FOXO1: variants seen among roughly 807,000 people sequenced by gnomAD.
The protein encoded by FOXO1 is forkhead box protein O1.
In FOXO1, 6 loss-of-function variants were observed where a neutral mutation model predicts 44.1. The ratio of observed to expected loss-of-function variants is 0.14; its 90% CI spans 0.07 to 0.27. FOXO1 has a LOEUF of 0.27. Among genes scored for constraint, FOXO1 ranks in the 10% least tolerant of loss-of-function variants. The pLI, the probability that FOXO1 is intolerant of heterozygous loss-of-function variation, is 1.00. For missense variants in FOXO1, 737 were observed against 888.8 expected, an observed-to-expected ratio of 0.83 and a Z score of 2.17; for synonymous variants, 380 against 362.7, an observed-to-expected ratio of 1.05 and a Z score of -0.54.
At chr13:40,599,226 A>G (rs1467688813) in intron 1 of FOXO1, among the ~76,000 whole-genome samples, 7 of 152,144 alleles carry the variant, frequency 4.6e-5, no homozygotes, top group Non-Finnish European at 1.0e-4. Context: ...TGAAAAAAAA[A>G]AAAAGCTTCC....
chr13:40,591,105 TCAGAGTTCAA>T (rs1476930336), intron 1 of FOXO1, among the ~76,000 whole-genome samples: 1 of 151,980 alleles, frequency 6.6e-6, no homozygotes, highest in Non-Finnish European at 1.5e-5. Context: ...GAGGACTGCT[TCAGAGTTCAA>T]CAGAGGTCCA....
At chr13:40,638,894 C>T (rs1409438611) in intron 1 of FOXO1, among the ~76,000 whole-genome samples, 3 of 152,050 alleles carry the variant, frequency 2.0e-5, no homozygotes, top group African/African-American at 7.2e-5. Context: ...ACCTCTGTAA[C>T]TCCAGAACAG....
rs752093459 is a variant in FOXO1 at position 40,560,813 on chromosome 13, C to A, written c.678G>T (p.Val226=). ...NLSLHSKFIR[V]QNEGTGKSSW... ...AACTTTTTCCAGTTCCTTCATTCTG[C>A]ACACGAATGAACTTGCTGTGTAGGG... is the stretch of plus-strand genomic sequence containing the variant. The change falls in exon 2 of 3, where the codon GTG becomes GTT. Residue 226 remains valine, a synonymous_variant. Coordinates refer to ENST00000379561, the MANE Select transcript of FOXO1 (RefSeq NM_002015.4). This position sits in a 1 kb window ranked among gnomAD's most constrained non-coding sequence, Gnocchi z 5.1. 1.9e-6 allele frequency: 3 copies of A among 1,613,432 alleles called. No individual in the cohort carries two copies. In the South Asian group the frequency reaches 3.3e-5, roughly 18 times the overall value.
chr13:40,647,535 G>A (rs1877550473), intron 1 of FOXO1, among the ~76,000 whole-genome samples: 1 of 152,120 alleles, frequency 6.6e-6, no homozygotes, highest in Non-Finnish European at 1.5e-5. Context: ...CTCCCAAATA[G>A]CTGGGATTAC....
At chr13:40,616,039 T>C (rs1876411542) in intron 1 of FOXO1, among the ~76,000 whole-genome samples, 2 of 152,142 alleles carry the variant, frequency 1.3e-5, no homozygotes, top group African/African-American at 4.8e-5. Context: ...CTACAGGGGC[T>C]TGAACCAGAC....
At chr13:40,664,180 G>A (rs1041185237) in intron 1 of FOXO1, among the ~76,000 whole-genome samples, 2 of 152,242 alleles carry the variant, frequency 1.3e-5, no homozygotes, top group East Asian at 1.9e-4. Flanking sequence ...GGCTGAGACA[G>A]GAGAATCGCT....
At position 40,665,424 on chromosome 13, in the gene FOXO1, G is replaced by C. The variant is rs73469068; in HGVS notation, c.630+159C>G. On this transcript the variant is annotated intron_variant, in intron 1 of 2. Transcript: ENST00000379561. ...GCACACCTACTGCCGTCCCCGACCGGACCCGGGCGAGGCCACCGCGACCAC... is the reference window on the plus strand; with the variant it reads ...GCACACCTACTGCCGTCCCCGACCGCACCCGGGCGAGGCCACCGCGACCAC... 5.7e-4 allele frequency among the ~76,000 whole-genome samples: 87 copies of C among 152,214 alleles called. No individual in the cohort carries two copies. The highest frequency in any genetic ancestry group is 2.0e-3 in the African/African-American group (85 of 41,550).
chr13:40,600,596 A>G (rs1875780219), intron 1 of FOXO1, among the ~76,000 whole-genome samples: 2 of 152,206 alleles, frequency 1.3e-5, no homozygotes, highest in Non-Finnish European at 2.9e-5. Flanking sequence ...AAGCTTCATT[A>G]ACTCCTTCCA....
intron 1 of FOXO1, among the ~76,000 whole-genome samples, chr13:40,605,804 T>G (rs1486521695): frequency 6.6e-6 from 1 of 152,016 alleles, no homozygotes; most frequent in Non-Finnish European, 1.5e-5. Flanking sequence ...TGCTTGGAGG[T>G]GTGGAAAACT....
At chr13:40,642,839 A>G (rs1566083316) in intron 1 of FOXO1, among the ~76,000 whole-genome samples, 1 of 152,160 alleles carries the variant, frequency 6.6e-6, no homozygotes, top group African/African-American at 2.4e-5. Context: ...GGACTGCTTG[A>G]GCCTAGAAGG....
At chr13:40,592,930 C>T (rs1425546634) in intron 1 of FOXO1, among the ~76,000 whole-genome samples, 1 of 152,210 alleles carries the variant, frequency 6.6e-6, no homozygotes, top group Non-Finnish European at 1.5e-5. Flanking sequence ...AATCACTTCA[C>T]AGCCTATATA....
At chr13:40,584,652 C>T (rs976023302) in intron 1 of FOXO1, among the ~76,000 whole-genome samples, 1 of 152,014 alleles carries the variant, frequency 6.6e-6, no homozygotes, top group Admixed American at 6.6e-5. Context: ...CCATCTCAAA[C>T]AAACATTATA....
chr13:40,630,214 T>C (rs756135950), intron 1 of FOXO1, among the ~76,000 whole-genome samples: 2 of 152,132 alleles, frequency 1.3e-5, no homozygotes, highest in Admixed American at 6.5e-5. Flanking sequence ...CAAGGGGAAC[T>C]GAAACTCTTG....
At chr13:40,664,514 G>A (rs1033235010) in intron 1 of FOXO1, among the ~76,000 whole-genome samples, 3 of 152,012 alleles carry the variant, frequency 2.0e-5, no homozygotes, top group South Asian at 4.2e-4. Flanking sequence ...CTCCTTCAAG[G>A]CACCGCTCCC....
At chr13:40,598,739 G>A (rs1407798303) in intron 1 of FOXO1, among the ~76,000 whole-genome samples, 1 of 152,196 alleles carries the variant, frequency 6.6e-6, no homozygotes, top group Non-Finnish European at 1.5e-5. Context: ...AGCAGCACTG[G>A]CATCACTAGG....
At chr13:40,640,196 G>C (rs1877300840) in intron 1 of FOXO1, among the ~76,000 whole-genome samples, 1 of 152,150 alleles carries the variant, frequency 6.6e-6, no homozygotes. Context: ...AAGCTAAAGG[G>C]CCACACACTT....
At chr13:40,624,962 G>C (rs951646400) in intron 1 of FOXO1, among the ~76,000 whole-genome samples, 1 of 152,124 alleles carries the variant, frequency 6.6e-6, no homozygotes, top group Non-Finnish European at 1.5e-5. Context: ...CATAAAACAT[G>C]GTTTTGGATG....
chr13:40,662,169 TCAAAA>T (rs1566088231), intron 1 of FOXO1, among the ~76,000 whole-genome samples: 1 of 36,624 alleles, frequency 2.7e-5, no homozygotes. Context: ...AGACTCTGAC[TCAAAA>T]AAAAAAAAAA....
At chr13:40,620,105 A>C in intron 1 of FOXO1, 1 of 1,125,144 alleles carries the variant, frequency 8.9e-7, no homozygotes, top group East Asian at 2.4e-5. Flanking sequence ...CAAGATAGAG[A>C]ACACAGAGGT....
Sources: gnomAD v4.1 joint callset for allele counts (sites outside exome capture counted in the v4.1 genomes callset) on GRCh38, gnomAD v4.1.1 for gene constraint, Gnocchi (gnomAD v3.1) non-coding constraint, MANE v1.5 for transcripts, NCBI Gene and HGNC (gene_info 2026-07-23, HGNC 2026-07-21) for gene names.